CARMIL2: variants seen among roughly 807,000 people sequenced by gnomAD.
The protein encoded by CARMIL2 is capping protein, Arp2/3 and myosin-I linker protein 2.
Under a neutral mutation model 173.3 loss-of-function variants are expected in CARMIL2, and 96 were observed. That is an observed-to-expected ratio of 0.55 (90% CI 0.47 to 0.66). The LOEUF (loss-of-function observed/expected upper bound fraction) is 0.66, where lower values mean the gene tolerates loss of function less well. Among genes scored for constraint, CARMIL2 ranks in the 30% least tolerant of loss-of-function variants. The pLI is 0.00. For synonymous variants in CARMIL2, 830 were observed against 817.1 expected, an observed-to-expected ratio of 1.02 and a Z score of -0.27; for missense variants, 1,771 against 1,906.7, an observed-to-expected ratio of 0.93 and a Z score of 1.33.
chr16:67,653,875 G>C lies in CARMIL2; in HGVS notation c.3121-274G>C, dbSNP rs1208262690. On this transcript the variant is annotated intron_variant, in intron 29 of 37. Transcript: ENST00000334583. The surrounding 1 kb of genome is among the most constrained non-coding windows in gnomAD (Gnocchi z 7.4). ...CCGGGGGCACGTGAGGGCTAGGTTT[G>C]CTGGTGACCGGGTGGCTCGGGCGTG... 6.6e-6 allele frequency among the ~76,000 whole-genome samples: 1 copy of C among 152,132 alleles called. No homozygotes were observed. The highest frequency in any genetic ancestry group is 2.4e-5 in the African/African-American group (1 of 41,420).
At position 67,648,195 on chromosome 16, in the gene CARMIL2, G is replaced by T. The variant is rs1409550748; in HGVS notation, c.1215G>T (p.Gly405=). ...GRADWRAGRG[G]LGPPAGVANS... ...CGGACTGGAGGGCGGGACGGGGAGG[G>T]CTCGGTCCCCCCGCGGGTGTAGCCA... Residue 405 remains glycine, a synonymous_variant, in exon 14 of 38, where the codon GGG becomes GGT. Coordinates refer to ENST00000334583, the MANE Select transcript of CARMIL2 (RefSeq NM_001013838.3). This position sits in a 1 kb window ranked among gnomAD's most constrained non-coding sequence, Gnocchi z 6.1. The T allele has an allele frequency of 6.2e-7, 1 of 1,606,500 alleles. No individual in the cohort carries two copies. The highest frequency in any genetic ancestry group is 8.5e-7 in the Non-Finnish European group (1 of 1,177,188).
In CARMIL2 at chr16:67,654,153, C is replaced by T. The variant is rs866692679; in HGVS notation, c.3125C>T (p.Pro1042Leu). 2 of 1,555,324 alleles carry T rather than the reference C, an allele frequency of 1.3e-6. No individual in the cohort carries two copies. Among genetic ancestry groups the T allele is most frequent in the South Asian group, 2.4e-5 (2 of 84,304 alleles). Residue 1042 changes from proline (P) to leucine (L), a missense_variant, in exon 30 of 38, where the codon CCC becomes CTC. By Grantham distance (98) the Pro-to-Leu change is moderately conservative. Around this residue, in one of 3 missense-constraint regions of CARMIL2, gnomAD observed 817 missense variants for 903.5 expected, o/e 0.90. Coordinates refer to ENST00000334583, the MANE Select transcript of CARMIL2 (RefSeq NM_001013838.3). Reference sequence around the variant, plus strand: ...TGACCCCATGATGCCCCCCAGGTACCCCCAGCCTTGCCGCAGGAAGGGAAT... The same window carrying T: ...TGACCCCATGATGCCCCCCAGGTACTCCCAGCCTTGCCGCAGGAAGGGAAT... ...HRPPPGGPQV[P>L]PALPQEGNGL...
Position 67,652,177 on chromosome 16 carries a change from C to G in CARMIL2, c.2677-22C>G, listed in dbSNP as rs527738408. The G allele has an allele frequency of 6.2e-7, 1 of 1,609,316 alleles. No individual in the cohort carries two copies. Among genetic ancestry groups the G allele is most frequent in the East Asian group, 2.2e-5 (1 of 44,826 alleles). ...TCATGGCTGAGGCCCTACCTGCCAT[C>G]TTTGGCTGCTTGGTATTGCAGGTGG... On this transcript the variant is annotated intron_variant, in intron 26 of 37. Coordinates refer to ENST00000334583, the MANE Select transcript of CARMIL2 (RefSeq NM_001013838.3). This position sits in a 1 kb window ranked among gnomAD's most constrained non-coding sequence, Gnocchi z 4.7.
chr16:67,652,439 T>A lies in CARMIL2; in HGVS notation c.2818-33T>A, dbSNP rs1278451229. The A allele has an allele frequency of 1.2e-6, 2 of 1,612,106 alleles. No individual in the cohort carries two copies. Among genetic ancestry groups the A allele is most frequent in the Non-Finnish European group, 1.7e-6 (2 of 1,178,942 alleles). The stretch of plus-strand genomic sequence containing the variant: ...CAGCTCTTTTGGGTTGGTGCTCTCC[T>A]ACCCCAGGCTGAGTTTGTGCCCTCC... On this transcript the variant is annotated intron_variant, in intron 27 of 37. Coordinates refer to ENST00000334583, the MANE Select transcript of CARMIL2 (RefSeq NM_001013838.3). The surrounding 1 kb of genome is among the most constrained non-coding windows in gnomAD (Gnocchi z 4.7).
Position 67,646,613 on chromosome 16 carries a change from T to G in CARMIL2, c.466+96T>G. 1 of 1,567,762 alleles carries G rather than the reference T, an allele frequency of 6.4e-7. No individual in the cohort carries two copies. The highest frequency in any genetic ancestry group is 8.8e-7 in the Non-Finnish European group (1 of 1,139,222). On this transcript the variant is annotated intron_variant, in intron 6 of 37. Transcript: ENST00000334583. The surrounding 1 kb of genome is among the most constrained non-coding windows in gnomAD (Gnocchi z 4.6). ...GGGGGCCCCAAACTGAACAGAGCCA[T>G]TCAGGTCCCAGCCACCACCTAGTCT...
rs750917993 is a variant in CARMIL2 at position 67,654,860 on chromosome 16, T to G, written c.3665T>G (p.Val1222Gly). Residue 1222 changes from valine (V) to glycine (G), a missense_variant, in exon 32 of 38, where the codon GTC (valine) becomes GGC (glycine). Around this residue, in one of 3 missense-constraint regions of CARMIL2, gnomAD observed 817 missense variants for 903.5 expected, o/e 0.90. Coordinates refer to ENST00000334583, the MANE Select transcript of CARMIL2 (RefSeq NM_001013838.3). The part of the protein sequence containing the change: ...RVQVMLQRIG[V>G]SRGSGGAEGK... ...CAAGTAATGCTGCAGAGGATAGGCG[T>G]CAGCCGAGGCAGCGGGGGTGCCGAA... The G allele has an allele frequency of 6.2e-7, 1 of 1,613,640 alleles. No individual in the cohort carries two copies. Among genetic ancestry groups the G allele is most frequent in the Non-Finnish European group, 8.5e-7 (1 of 1,179,876 alleles).
Position 67,648,450 on chromosome 16 carries a change from A to G in CARMIL2, c.1387A>G (p.Thr463Ala). 6.9e-7 allele frequency: 1 copy of G among 1,449,632 alleles called. No homozygotes were observed. The highest frequency in any genetic ancestry group is 9.0e-7 in the Non-Finnish European group (1 of 1,112,012). The allele number at this position is 1,449,632 out of a possible 1,614,324, so 89.8% of individuals were successfully genotyped here. A position where few individuals can be genotyped will look rare whatever the true frequency, so the allele number is the denominator to read the frequency against. The change falls in exon 15 of 38, where the codon ACG becomes GCG. Residue 463 changes from threonine (T) to alanine (A), a missense_variant. Transcript: ENST00000334583. The surrounding 1 kb of genome is among the most constrained non-coding windows in gnomAD (Gnocchi z 6.1). ...ALQLFLSRAR[T>A]LRHLGLAGCK... ...GCAGCTCTTCCTCAGCCGCGCGCGGACGCTGCGGCACCTGGGCCTGGCGGG... is the reference window on the plus strand; with the variant it reads ...GCAGCTCTTCCTCAGCCGCGCGCGGGCGCTGCGGCACCTGGGCCTGGCGGG...
In CARMIL2 at chr16:67,654,742, G is replaced by A. The variant is rs746292276; in HGVS notation, c.3583-36G>A. On this transcript the variant is annotated intron_variant, in intron 31 of 37. Transcript: ENST00000334583. ...TGAAGGCGCTTCTGGGACCCAGGGC[G>A]CGGACTGTCTCCAACTCGAGCATCT... The A allele has an allele frequency of 3.3e-5, 53 of 1,611,318 alleles. No homozygotes were observed. The East Asian group carries it at 6.2e-4, about 19-fold the overall frequency.
intron 33 of CARMIL2, 51 bp downstream of exon 33, chr16:67,656,118 T>C (rs1031700498): frequency 2.5e-6 from 4 of 1,611,216 alleles, no homozygotes; most frequent in East Asian, 2.2e-5. Context: ...GGTGTCCTTA[T>C]AGACAGCCCC....
At chr16:67,650,487 A>G in intron 22 of CARMIL2, 1 of 373,480 alleles carries the variant, frequency 2.7e-6, no homozygotes, top group East Asian at 5.3e-5. Context: ...GCCCAAACCC[A>G]GCTGCTCCTT....
chr16:67,653,045 C>A lies in CARMIL2; in HGVS notation c.2911C>A (p.Pro971Thr), dbSNP rs1327352017. 1 of 1,271,670 alleles carries A rather than the reference C, an allele frequency of 7.9e-7. No individual in the cohort carries two copies. The highest frequency in any genetic ancestry group is 1.0e-6 in the Non-Finnish European group (1 of 997,206). 78.8% of individuals were successfully genotyped at this position (1,271,670 alleles called of 1,614,324 possible). ...HSAAEEAEPE[P>T]ELAAPGEDAE... ...TGCTGCTGAGGAAGCGGAGCCGGAG[C>A]CCGAGCTGGCGGCTCCGGGAGAAGA... is the stretch of plus-strand genomic sequence containing the variant. The change falls in exon 29 of 38, where the codon CCC becomes ACC. Residue 971 changes from proline to threonine, a missense_variant. Pro to Thr is a conservative substitution (Grantham distance 38). Around this residue, in one of 3 missense-constraint regions of CARMIL2, gnomAD observed 817 missense variants for 903.5 expected, o/e 0.90. Transcript: ENST00000334583. The surrounding 1 kb of genome is among the most constrained non-coding windows in gnomAD (Gnocchi z 7.4).
intron 36 of CARMIL2, 50 bp downstream of exon 36, chr16:67,656,931 G>T: frequency 7.0e-7 from 1 of 1,421,968 alleles, no homozygotes. Context: ...ATGTGGGAGG[G>T]TGGGCTTCTG....
rs909225169 is a variant in CARMIL2 at position 67,651,995 on chromosome 16, C to T, written c.2663C>T (p.Ala888Val). The change falls in exon 26 of 38, where the codon GCC becomes GTC. Residue 888 changes from alanine to valine, a missense_variant. Ala to Val is a moderately conservative substitution (Grantham distance 64, BLOSUM62 0). Transcript: ENST00000334583. This position sits in a 1 kb window ranked among gnomAD's most constrained non-coding sequence, Gnocchi z 4.2. ...VAQALAGLSAARDQLVESLAQ... is the reference protein window; with the variant it reads ...VAQALAGLSAVRDQLVESLAQ... ...CAGGCTTTGGCAGGCCTGAGTGCAGCCCGGGATCAGCTGGTGAGGGGGAGA... is the reference window on the plus strand; with the variant it reads ...CAGGCTTTGGCAGGCCTGAGTGCAGTCCGGGATCAGCTGGTGAGGGGGAGA... 4 of 1,613,522 alleles carry T rather than the reference C, an allele frequency of 2.5e-6. No homozygotes were observed. Among genetic ancestry groups the T allele is most frequent in the Non-Finnish European group, 3.4e-6 (4 of 1,179,840 alleles).
At chr16:67,655,579 G>A (rs2052827384) in intron 32 of CARMIL2, among the ~76,000 whole-genome samples, 1 of 152,192 alleles carries the variant, frequency 6.6e-6, no homozygotes, top group Admixed American at 6.5e-5. Context: ...AAACCTCACT[G>A]CTTTCCTCCC....
In CARMIL2 at chr16:67,656,256, C is replaced by A; in HGVS notation, c.3771C>A (p.Ala1257=). ...DGDIMDSSTE[A]PPISIKSRTH... is the part of the protein sequence containing the mutation. ...ACATTATGGACAGTTCCACGGAGGCCCCTCCCATCTCGATCAAGTCCCGCA... is the reference window on the plus strand; with the variant it reads ...ACATTATGGACAGTTCCACGGAGGCACCTCCCATCTCGATCAAGTCCCGCA... Residue 1257 remains alanine (A), a synonymous_variant, in exon 34 of 38, where the codon GCC becomes GCA. Coordinates refer to ENST00000334583, the MANE Select transcript of CARMIL2 (RefSeq NM_001013838.3). 6.2e-7 allele frequency: 1 copy of A among 1,613,998 alleles called. No individual in the cohort carries two copies. Among genetic ancestry groups the A allele is most frequent in the Non-Finnish European group, 8.5e-7 (1 of 1,179,884 alleles).
Position 67,652,201 on chromosome 16 carries a change from G to C in CARMIL2, c.2679G>C (p.Val893=). ...TCTTTGGCTGCTTGGTATTGCAGGT[G>C]GAGAGTCTGGCTCAGCAGGCAACAG... The part of the protein sequence containing the change: ...AGLSAARDQL[V]ESLAQQATVT... The change falls in exon 27 of 38, where the codon GTG becomes GTC. Residue 893 remains valine (V), a splice_region_variant and synonymous_variant. Transcript: ENST00000334583. This position sits in a 1 kb window ranked among gnomAD's most constrained non-coding sequence, Gnocchi z 4.7. 6.2e-7 allele frequency: 1 copy of C among 1,612,100 alleles called. No individual in the cohort carries two copies. The highest frequency in any genetic ancestry group is 8.5e-7 in the Non-Finnish European group (1 of 1,179,706).
Position 67,656,407 on chromosome 16 carries a change from C to T in CARMIL2, c.3815-17C>T. 1 of 1,608,426 alleles carries T rather than the reference C, an allele frequency of 6.2e-7. No homozygotes were observed. The highest frequency in any genetic ancestry group is 8.5e-7 in the Non-Finnish European group (1 of 1,176,192). On this transcript the variant is annotated splice_polypyrimidine_tract_variant and intron_variant, in intron 34 of 37. Coordinates refer to ENST00000334583, the MANE Select transcript of CARMIL2 (RefSeq NM_001013838.3). ...CAATGCCTGACCAGGTCTTGGCTGA[C>T]ACCTTTCTCCCTACAGACCCTTCCT...
chr16:67,647,719 G>C lies in CARMIL2; in HGVS notation c.911G>C (p.Gly304Ala). The C allele has an allele frequency of 6.5e-7, 1 of 1,541,532 alleles. No homozygotes were observed. Among genetic ancestry groups the C allele is most frequent in the East Asian group, 2.5e-5 (1 of 39,306 alleles). The change falls in exon 12 of 38, where the codon GGA becomes GCA. Residue 304 changes from glycine (G) to alanine (A), a missense_variant. By Grantham distance (60) the Gly-to-Ala change is moderately conservative. Transcript: ENST00000334583. ...AGCAGACACCTCGAGCGTTGTCCAG[G>C]AGCCCTGAGGAGACTCAGCCTGGCC... ...ALSRHLERCP[G>A]ALRRLSLAQT...
chr16:67,646,127 C>A lies in CARMIL2; in HGVS notation c.249+47C>A. The A allele has an allele frequency of 1.9e-6, 3 of 1,613,786 alleles. No individual in the cohort carries two copies. The highest frequency in any genetic ancestry group is 2.5e-6 in the Non-Finnish European group (3 of 1,179,844). On this transcript the variant is annotated intron_variant, in intron 4 of 37. Coordinates refer to ENST00000334583, the MANE Select transcript of CARMIL2 (RefSeq NM_001013838.3). This position sits in a 1 kb window ranked among gnomAD's most constrained non-coding sequence, Gnocchi z 4.6. ...CTGGGCCTGCAGCCTGGTCTTCATG[C>A]TACCACCATCACCTGCGCCCATGTG...
Sources: allele counts gnomAD v4.1 joint callset (sites outside exome capture counted in the v4.1 genomes callset), GRCh38; gene constraint gnomAD v4.1.1; regional missense constraint gnomAD v4.1.1; non-coding constraint Gnocchi (gnomAD v3.1); transcripts MANE v1.5; gene names NCBI Gene and HGNC (gene_info 2026-07-23, HGNC 2026-07-21).